EIF1: variants seen among roughly 807,000 people sequenced by gnomAD.
The protein encoded by EIF1 is eukaryotic translation initiation factor 1, also known as protein translation factor SUI1 homolog.
EIF1 carries 4 observed loss-of-function variants against 13.7 expected under a neutral mutation model. The observed-to-expected ratio is 0.29, with a 90% confidence interval of 0.14 to 0.67. The LOEUF (loss-of-function observed/expected upper bound fraction) is 0.67. EIF1 is among the 30% of genes least tolerant of loss of function. The pLI, the probability that EIF1 is intolerant of heterozygous loss-of-function variation, is 0.77. For missense variants in EIF1, 64 were observed against 138.0 expected (o/e 0.46, Z 2.69); for synonymous variants, 67 against 50.7 (o/e 1.32, Z -1.37).
intron 1 of EIF1, 69 bp downstream of exon 1, chr17:41,689,138 G>C: frequency 5.1e-6 from 8 of 1,567,872 alleles, no homozygotes; most frequent in Non-Finnish European, 6.1e-6. Context: ...GACGTGTTCC[G>C]GGAAGTTGCC....
chr17:41,689,126 G>A, intron 1 of EIF1, 57 bp downstream of exon 1: 1 of 1,594,458 alleles, frequency 6.3e-7, no homozygotes, highest in Non-Finnish European at 8.6e-7. Context: ...TCCGGGCCCG[G>A]AGACGTGTTC....
chr17:41,690,336 T>C (rs1910334540), intron 3 of EIF1, 147 bp downstream of exon 3: 1 of 625,544 alleles, frequency 1.6e-6, no homozygotes, highest in South Asian at 2.1e-5. Flanking sequence ...TTATTTCTGT[T>C]TTATAGGAAA....
In EIF1 at chr17:41,688,891, G is replaced by C. The variant is rs992500285; in HGVS notation, c.-148G>C. The C allele has an allele frequency of 1.3e-6, 1 of 759,920 alleles. No individual in the cohort carries two copies. Among genetic ancestry groups the C allele is most frequent in the Admixed American group, 2.3e-5 (1 of 43,426 alleles). The allele number at this position is 759,920 out of a possible 1,614,324, so 47.1% of individuals were successfully genotyped here. A position where few individuals can be genotyped will look rare whatever the true frequency, so the allele number is the denominator to read the frequency against. On this transcript the variant is annotated 5_prime_UTR_variant, in exon 1 of 4. Coordinates refer to ENST00000469257, the MANE Select transcript of EIF1 (RefSeq NM_005801.4). ...ACACAGGCACCGCCCCTCTGCCCCA[G>C]TCACTGAGCCGCCGCCGAGGATTCA...
intron 3 of EIF1, chr17:41,690,406 C>G (rs558684811): frequency 5.3e-6 from 3 of 571,178 alleles, no homozygotes; most frequent in Non-Finnish European, 9.2e-6. Flanking sequence ...TTCACAGATG[C>G]AAATTTGAAT....
Position 41,691,009 on chromosome 17 carries a change from G to C in EIF1, c.*183G>C. The C allele has an allele frequency of 1.6e-6, 1 of 630,724 alleles. No individual in the cohort carries two copies. The highest frequency in any genetic ancestry group is 2.7e-5 in the East Asian group (1 of 36,546). The allele number at this position is 630,724 out of a possible 1,614,324, so 39.1% of individuals were successfully genotyped here. ...AAACTGAAAAGAGCCATGCTGTCTA[G>C]TCTTGAAGTCCCTCATTTAAACAGA... On this transcript the variant is annotated 3_prime_UTR_variant, in exon 4 of 4. Coordinates refer to ENST00000469257, the MANE Select transcript of EIF1 (RefSeq NM_005801.4).
intron 1 of EIF1, chr17:41,689,291 G>A (rs1567766314): frequency 6.6e-6 from 4 of 607,014 alleles, no homozygotes; most frequent in Non-Finnish European, 1.2e-5. Flanking sequence ...GGCGGGCCCG[G>A]CGTCTCAGTG....
Position 41,690,453 on chromosome 17 carries a change from G to A in EIF1, c.297+264G>A, listed in dbSNP as rs73300038. 2.3e-4 allele frequency: 125 copies of A among 549,440 alleles called. 1 individual carries two copies. The highest frequency in any genetic ancestry group is 2.1e-3 in the African/African-American group (110 of 52,950). 34.0% of individuals were successfully genotyped at this position (549,440 alleles called of 1,614,324 possible). A position where few individuals can be genotyped will look rare whatever the true frequency, so the allele number is the denominator to read the frequency against. On this transcript the variant is annotated intron_variant, in intron 3 of 3. Transcript: ENST00000469257. ...GCATTGTAAAATAAGCCAAATGCTG[G>A]GTTGTTCCTGTATTTGTAAGGACAT...
At position 41,689,764 on chromosome 17, in the gene EIF1, A is replaced by C; in HGVS notation, c.32-14A>C. On this transcript the variant is annotated splice_polypyrimidine_tract_variant and intron_variant, in intron 1 of 3. Coordinates refer to ENST00000469257, the MANE Select transcript of EIF1 (RefSeq NM_005801.4). ...TCTTTGACAGCTCTGAACGAGCTTA[A>C]CCTTTTTTTTCAGACCCCTTTGCTG... 1 of 1,585,440 alleles carries C rather than the reference A, an allele frequency of 6.3e-7. No individual in the cohort carries two copies. The highest frequency in any genetic ancestry group is 1.1e-5 in the South Asian group (1 of 87,948).
At chr17:41,690,703 ACAGGGTTGTTGC>A in intron 3 of EIF1, 67 bp from the exon 4 acceptor site, 1 of 1,516,840 alleles carries the variant, frequency 6.6e-7, no homozygotes. Context: ...TAGCAGGAAG[ACAGGGTTGTTGC>A]CATTAGAAAT....
Position 41,689,988 on chromosome 17 carries a change from C to G in EIF1, c.195+47C>G, listed in dbSNP as rs527516202. The G allele has an allele frequency of 3.1e-5, 50 of 1,611,770 alleles. No homozygotes were observed. The South Asian group carries it at 4.9e-4, about 16-fold the overall frequency. ...GGGAAAGTCATAATGGATTTGTCCA[C>G]AAGGGGGTGCCAGCTGTGTTGTATG... is the stretch of plus-strand genomic sequence containing the variant. On this transcript the variant is annotated intron_variant, in intron 2 of 3. Transcript: ENST00000469257.
At chr17:41,689,320 C>T (rs1367441297) in intron 1 of EIF1, 7 of 588,232 alleles carry the variant, frequency 1.2e-5, no homozygotes, top group Admixed American at 9.3e-5. Flanking sequence ...ACTAATGGCT[C>T]CTGGGCCTCC....
chr17:41,690,617 GT>G (rs573591025), intron 3 of EIF1, 164 bp from the exon 4 acceptor site: 4 of 651,440 alleles, frequency 6.1e-6, no homozygotes, highest in Admixed American at 2.9e-5. Context: ...GGCACTGAGT[GT>G]TCAAAAAAGG....
intron 3 of EIF1, chr17:41,690,560 C>A: frequency 1.7e-6 from 1 of 578,380 alleles, no homozygotes; most frequent in Non-Finnish European, 3.1e-6. Flanking sequence ...GAAGAGATTT[C>A]AGATACCTGA....
Position 41,688,898 on chromosome 17 carries a change from AGCC to A in EIF1, c.-133_-131del. 1.2e-6 allele frequency: 1 copy of A among 803,932 alleles called. No individual in the cohort carries two copies. The highest frequency in any genetic ancestry group is 2.0e-6 in the Non-Finnish European group (1 of 497,634). The allele number at this position is 803,932 out of a possible 1,614,324, so 49.8% of individuals were successfully genotyped here. On this transcript the variant is annotated 5_prime_UTR_variant, in exon 1 of 4. Coordinates refer to ENST00000469257, the MANE Select transcript of EIF1 (RefSeq NM_005801.4). The stretch of plus-strand genomic sequence containing the variant: ...CACCGCCCCTCTGCCCCAGTCACTG[AGCC>A]GCCGCCGAGGATTCAGCAGCCTCCC...
chr17:41,691,570 T>G lies in EIF1; in HGVS notation c.*744T>G, dbSNP rs967481310. On this transcript the variant is annotated 3_prime_UTR_variant, in exon 4 of 4. Transcript: ENST00000469257. The stretch of plus-strand genomic sequence containing the variant: ...TGAAGTAACAAACTGGTTTTTGGTT[T>G]TTTTTTCCCCTTCAGTTTTAATGTT... 6.5e-6 allele frequency: 1 copy of G among 152,722 alleles called. No individual in the cohort carries two copies. The highest frequency in any genetic ancestry group is 2.4e-5 in the African/African-American group (1 of 41,466). The allele number at this position is 152,722 out of a possible 1,614,324, so 9.5% of individuals were successfully genotyped here.
In EIF1 at chr17:41,691,166, C is replaced by G; in HGVS notation, c.*340C>G. ...TCCTCAGCTCTCCCTCTGCAGAGTT[C>G]CCTACCCTAAGAGAATGTTACCACC... On this transcript the variant is annotated 3_prime_UTR_variant, in exon 4 of 4. Coordinates refer to ENST00000469257, the MANE Select transcript of EIF1 (RefSeq NM_005801.4). The G allele has an allele frequency of 2.1e-6, 1 of 482,578 alleles. No individual in the cohort carries two copies. 29.9% of individuals were successfully genotyped at this position (482,578 alleles called of 1,614,324 possible).
intron 3 of EIF1, 53 bp from the exon 4 acceptor site, chr17:41,690,729 G>T: frequency 1.3e-6 from 2 of 1,599,716 alleles, no homozygotes; most frequent in East Asian, 2.2e-5. Flanking sequence ...TAGAAATGGA[G>T]GCTTTAACTC....
chr17:41,691,664 TTA>T lies in EIF1; in HGVS notation c.*845_*846del, dbSNP rs775593581. On this transcript the variant is annotated 3_prime_UTR_variant, in exon 4 of 4. Transcript: ENST00000469257. ...CAGAAATACCTGACTTGCAGATTATTTATATATAGTCGATCTTGTGCATATAA... is the reference window on the plus strand; with the variant it reads ...CAGAAATACCTGACTTGCAGATTATTTATATAGTCGATCTTGTGCATATAA... 6.6e-6 allele frequency: 1 copy of T among 152,628 alleles called. No homozygotes were observed. Among genetic ancestry groups the T allele is most frequent in the African/African-American group, 2.4e-5 (1 of 41,446 alleles). The allele number at this position is 152,628 out of a possible 1,614,324, so 9.5% of individuals were successfully genotyped here.
chr17:41,690,811 G>A lies in EIF1; in HGVS notation c.327G>A (p.Lys109=). The A allele has an allele frequency of 6.2e-7, 1 of 1,613,808 alleles. No individual in the cohort carries two copies. Among genetic ancestry groups the A allele is most frequent in the Non-Finnish European group, 8.5e-7 (1 of 1,179,864 alleles). ...GACTGGCTAAGGACGATCAGCTGAA[G>A]GTTCATGGGTTTTAAGTGCTTGTGG... ...EIGLAKDDQL[K]VHGF is the part of the protein sequence containing the mutation. The change falls in exon 4 of 4, where the codon AAG becomes AAA. Residue 109 remains lysine, a synonymous_variant. Coordinates refer to ENST00000469257, the MANE Select transcript of EIF1 (RefSeq NM_005801.4).
Sources: gnomAD v4.1 joint callset for allele counts on GRCh38, gnomAD v4.1.1 for gene constraint, MANE v1.5 for transcripts, NCBI Gene and HGNC (gene_info 2026-07-23, HGNC 2026-07-21) for gene names.